The following ESYT2 variants were observed in gnomAD, a reference collection of about 807,000 sequenced individuals.
ESYT2 encodes extended synaptotagmin 2.
In ESYT2, 54 loss-of-function variants were observed where a neutral mutation model predicts 107.2. The observed-to-expected ratio is 0.50, with a 90% CI of 0.40 to 0.63. The LOEUF is 0.63. ESYT2 is among the 30% of genes least tolerant of loss of function. ESYT2 has a pLI of 0.00. For missense variants in ESYT2, 1,020 were observed against 1,094.5 expected (o/e 0.93, Z 0.96); for synonymous variants, 491 against 434.1 (o/e 1.13, Z -1.63).
At chr7:158,802,763 A>G (rs1053658076) in intron 1 of ESYT2, among the ~76,000 whole-genome samples, 1 of 152,250 alleles carries the variant, frequency 6.6e-6, no homozygotes, top group African/African-American at 2.4e-5. Context: ...GTCTGAGACA[A>G]TATGAAGAAA....
intron 1 of ESYT2, among the ~76,000 whole-genome samples, chr7:158,810,635 T>C (rs1168802599): frequency 6.6e-6 from 1 of 152,024 alleles, no homozygotes; most frequent in African/African-American, 2.4e-5. Flanking sequence ...TGGGCCGTGA[T>C]TGCGTCACTG....
intron 19 of ESYT2, among the ~76,000 whole-genome samples, chr7:158,737,430 G>A (rs1028894652): frequency 4.6e-5 from 7 of 152,148 alleles, no homozygotes; most frequent in Non-Finnish European, 8.8e-5. Context: ...TTTGGAGGAC[G>A]TTCCAAGTCC....
At chr7:158,793,089 G>T (rs1445084704) in intron 4 of ESYT2, among the ~76,000 whole-genome samples, 1 of 151,900 alleles carries the variant, frequency 6.6e-6, no homozygotes, top group East Asian at 1.9e-4. Flanking sequence ...TTAACTGTGG[G>T]GTTTTCTTAT....
At chr7:158,774,925 C>T (rs1838497863) in intron 6 of ESYT2, among the ~76,000 whole-genome samples, 1 of 152,130 alleles carries the variant, frequency 6.6e-6, no homozygotes, top group Admixed American at 6.6e-5. Context: ...GGCAGGTAAG[C>T]TTCTAAATAC....
Position 158,764,754 on chromosome 7 carries a change from T to C in ESYT2, c.1024A>G (p.Ile342Val), listed in dbSNP as rs574964939. Residue 342 changes from isoleucine to valine, a missense_variant, in exon 9 of 23, where the codon ATT becomes GTT. Coordinates refer to ENST00000275418, the MANE Select transcript of ESYT2 (RefSeq NM_001367773.1). The stretch of plus-strand genomic sequence containing the variant: ...TGGAAGATTTGGTTGCCAACTCTAA[T>C]GATTCCATAGGGGTCTGACTTTCCC... The part of the protein sequence containing the change: ...VKGKSDPYGI[I>V]RVGNQIFQSR... 107 of 1,614,204 alleles carry C rather than the reference T, an allele frequency of 6.6e-5. No homozygotes were observed. In the South Asian group the frequency reaches 1.1e-3, roughly 17 times the overall value.
At chr7:158,821,068 T>C (rs890758064) in intron 1 of ESYT2, among the ~76,000 whole-genome samples, 6 of 152,142 alleles carry the variant, frequency 3.9e-5, no homozygotes, top group Non-Finnish European at 8.8e-5. Context: ...CAAAAATAAA[T>C]AGTTTGCTTT....
intron 1 of ESYT2, among the ~76,000 whole-genome samples, chr7:158,800,873 C>T (rs888501595): frequency 3.3e-5 from 5 of 151,868 alleles, no homozygotes; most frequent in Non-Finnish European, 2.9e-5. Context: ...GGATTACAGG[C>T]GGGTACCGCC....
intron 13 of ESYT2, among the ~76,000 whole-genome samples, chr7:158,757,679 C>T (rs578041389): frequency 6.6e-6 from 1 of 152,214 alleles, no homozygotes; most frequent in Non-Finnish European, 1.5e-5. Context: ...TGCAAAGATC[C>T]TTTGCTTCTG....
chr7:158,795,767 A>G (rs186594664), intron 3 of ESYT2, among the ~76,000 whole-genome samples: 17 of 119,220 alleles, frequency 1.4e-4, no homozygotes, highest in Non-Finnish European at 7.2e-5. Flanking sequence ...GTCAACACTG[A>G]AAGTGTCCTA....
intron 10 of ESYT2, 34 bp from the exon 11 acceptor site, chr7:158,761,578 T>C (rs760046340): frequency 3.1e-5 from 49 of 1,568,032 alleles, no homozygotes; most frequent in Non-Finnish European, 4.1e-5. Context: ...CTTTAGAACA[T>C]AGAAACACAT....
intron 4 of ESYT2, among the ~76,000 whole-genome samples, chr7:158,792,440 A>G (rs1204102065): frequency 6.6e-6 from 1 of 151,158 alleles, no homozygotes; most frequent in African/African-American, 2.4e-5. Flanking sequence ...AGGTGAGAGG[A>G]TCGCTTGATT....
chr7:158,767,346 C>T (rs1838197813), intron 8 of ESYT2, among the ~76,000 whole-genome samples: 1 of 152,162 alleles, frequency 6.6e-6, no homozygotes, highest in African/African-American at 2.4e-5. Flanking sequence ...GCAGTATGTG[C>T]TTTCTGAGGT....
chr7:158,734,284 G>A (rs76883081), intron 22 of ESYT2, 32 bp from the exon 23 acceptor site: 40,742 of 1,613,866 alleles, frequency 0.025, 633 homozygotes, highest in Non-Finnish European at 0.03. Context: ...AGGTGGTGAC[G>A]GATACAGGAC....
chr7:158,795,864 G>T lies in ESYT2; in HGVS notation c.507+2078C>A, dbSNP rs1839442198. On this transcript the variant is annotated intron_variant, in intron 3 of 22. Transcript: ENST00000275418. ...CTTGCACAGGATGGCCACACCTCAG[G>T]CATGTCACAGGAAAAGCAGCAGCAC... 2.9e-5 allele frequency among the ~76,000 whole-genome samples: 4 copies of T among 136,278 alleles called. No individual in the cohort carries two copies. In the South Asian group the frequency reaches 8.9e-4, roughly 30 times the overall value. 89.4% of individuals were successfully genotyped at this position (136,278 alleles called of 152,430 possible).
chr7:158,808,675 C>T (rs1839902899), intron 1 of ESYT2, among the ~76,000 whole-genome samples: 1 of 152,084 alleles, frequency 6.6e-6, no homozygotes, highest in Non-Finnish European at 1.5e-5. Flanking sequence ...TGGGGCCTGG[C>T]ACAGGGGCTC....
intron 1 of ESYT2, among the ~76,000 whole-genome samples, chr7:158,827,973 T>C (rs531919852): frequency 1.3e-5 from 2 of 152,296 alleles, no homozygotes; most frequent in African/African-American, 4.8e-5. Context: ...ATATACGAGG[T>C]AGAGAACTGC....
chr7:158,785,559 T>C (rs562593628), intron 6 of ESYT2, among the ~76,000 whole-genome samples: 67 of 152,366 alleles, frequency 4.4e-4, no homozygotes, highest in Admixed American at 8.5e-4. Flanking sequence ...TTAGGTATTA[T>C]ACTAAGCAGT....
chr7:158,818,809 G>A (rs1018753005), intron 1 of ESYT2, among the ~76,000 whole-genome samples: 3 of 152,334 alleles, frequency 2.0e-5, no homozygotes, highest in Non-Finnish European at 4.4e-5. Flanking sequence ...GTCTCAGGGC[G>A]CAACCCACAC....
chr7:158,800,706 G>A (rs867955201), intron 1 of ESYT2, among the ~76,000 whole-genome samples: 1 of 151,200 alleles, frequency 6.6e-6, no homozygotes. Flanking sequence ...TTTTTAAATA[G>A]GTTTCTTTTT....
Sources: allele counts gnomAD v4.1 joint callset (sites outside exome capture counted in the v4.1 genomes callset), GRCh38; gene constraint gnomAD v4.1.1; transcripts MANE v1.5; gene names NCBI Gene and HGNC (gene_info 2026-07-23, HGNC 2026-07-21).